The following OR1F1 variants were observed in gnomAD, a reference collection of about 807,000 sequenced individuals.
The protein encoded by OR1F1 is olfactory receptor 1F1.
For missense variants in OR1F1, 493 were observed against 376.3 expected (o/e 1.31, Z -2.57); for synonymous variants, 184 against 156.7 (o/e 1.17, Z -1.30).
At chr16:3,188,914 G>T in the OR1F1 span, among the ~76,000 whole-genome samples, 3 of 152,134 alleles carry the variant, frequency 2.0e-5, no homozygotes, top group Non-Finnish European at 2.9e-5. Flanking sequence ...GCAAGGGGGC[G>T]CATCGCAGAA....
At chr16:3,203,369 G>C (rs1026847898), upstream of OR1F1, among the ~76,000 whole-genome samples, 1 of 152,182 alleles carries the variant, frequency 6.6e-6, no homozygotes, top group Non-Finnish European at 1.5e-5. Context: ...CTCCAGTGAC[G>C]AGTCACCCTC....
downstream of OR1F1, among the ~76,000 whole-genome samples, chr16:3,205,565 G>A (rs1008537621): frequency 1.3e-5 from 2 of 151,848 alleles, no homozygotes; most frequent in Non-Finnish European, 2.9e-5. Flanking sequence ...CCTGAACAGA[G>A]GGACCAGCTG....
upstream of OR1F1, among the ~76,000 whole-genome samples, chr16:3,203,634 C>A (rs557076080): frequency 6.6e-6 from 1 of 152,120 alleles, no homozygotes; most frequent in Non-Finnish European, 1.5e-5. Context: ...CGTGGTGGCA[C>A]GTGCCTATAA....
exon 1 of OR1F1, chr16:3,204,706 C>T (rs1280868892): frequency 1.2e-6 from 2 of 1,614,044 alleles, no homozygotes; most frequent in Non-Finnish European, 1.7e-6. Context: ...GGTTGCCAAC[C>T]TGAATGTCCT....
At chr16:3,194,823 A>G in the OR1F1 span, among the ~76,000 whole-genome samples, 1 of 152,166 alleles carries the variant, frequency 6.6e-6, no homozygotes, top group East Asian at 1.9e-4. Flanking sequence ...AGGTCTCGCT[A>G]TGTTGTTCAG....
chr16:3,188,867 G>T, the OR1F1 span, among the ~76,000 whole-genome samples: 1 of 152,172 alleles, frequency 6.6e-6, no homozygotes, highest in South Asian at 2.1e-4. Flanking sequence ...CTCACGTCCT[G>T]GGGACTGGAG....
chr16:3,194,214 G>A, the OR1F1 span, among the ~76,000 whole-genome samples: 2 of 152,196 alleles, frequency 1.3e-5, no homozygotes, highest in Non-Finnish European at 2.9e-5. Context: ...ACAAGAAAAA[G>A]CAATGTACAG....
At chr16:3,204,254 G>A in exon 1 of OR1F1, 1 of 1,604,154 alleles carries the variant, frequency 6.2e-7, no homozygotes, top group Non-Finnish European at 8.5e-7. Flanking sequence ...CCCATGAGCG[G>A]GACAAACCAG....
chr16:3,191,378 C>G, the OR1F1 span: 1 of 152,328 alleles, frequency 6.6e-6, no homozygotes, highest in Admixed American at 6.5e-5. Context: ...CGGGGTGGAA[C>G]TGAACCTGTT....
At chr16:3,194,850 T>C in the OR1F1 span, among the ~76,000 whole-genome samples, 1 of 152,242 alleles carries the variant, frequency 6.6e-6, no homozygotes, top group Non-Finnish European at 1.5e-5. Flanking sequence ...CTGGAACTCC[T>C]GTGCTCAAGT....
chr16:3,197,046 T>C, the OR1F1 span, among the ~76,000 whole-genome samples: 1 of 152,050 alleles, frequency 6.6e-6, no homozygotes, highest in Non-Finnish European at 1.5e-5. Flanking sequence ...CTAATTTTTG[T>C]ATTTTTTTCA....
downstream of OR1F1, chr16:3,205,241 G>A (rs1045113543): frequency 2.5e-5 from 31 of 1,232,324 alleles, no homozygotes; most frequent in Admixed American, 4.0e-5. Flanking sequence ...CACCAATTGA[G>A]TTTAATGCAG....
At chr16:3,189,695 C>G in the OR1F1 span, 3 of 151,812 alleles carry the variant, frequency 2.0e-5, no homozygotes, top group East Asian at 1.9e-4. Context: ...GTTCAAATCC[C>G]GGACGAGCCC....
At chr16:3,203,520 C>T (rs1449537615), upstream of OR1F1, among the ~76,000 whole-genome samples, 1 of 152,226 alleles carries the variant, frequency 6.6e-6, no homozygotes, top group Non-Finnish European at 1.5e-5. Context: ...AATCCCAGCA[C>T]CTTGGGAGGC....
chr16:3,203,259 G>A (rs1247859252), upstream of OR1F1, among the ~76,000 whole-genome samples: 1 of 152,196 alleles, frequency 6.6e-6, no homozygotes, highest in Non-Finnish European at 1.5e-5. Flanking sequence ...GGAGGCTCCT[G>A]TGAAGAGCTT....
exon 1 of OR1F1, chr16:3,205,021 T>C (rs780073247): frequency 6.2e-6 from 10 of 1,613,988 alleles, no homozygotes; most frequent in Non-Finnish European, 1.7e-6. Flanking sequence ...CATTGCTGTG[T>C]ATTTTAACCC....
downstream of OR1F1, among the ~76,000 whole-genome samples, chr16:3,206,300 G>C (rs1334967885): frequency 6.6e-6 from 1 of 152,188 alleles, no homozygotes; most frequent in African/African-American, 2.4e-5. Flanking sequence ...TGTTTATCAA[G>C]ACAATACGTG....
At chr16:3,204,062 C>G (rs1005827854), upstream of OR1F1, among the ~76,000 whole-genome samples, 2 of 152,172 alleles carry the variant, frequency 1.3e-5, no homozygotes, top group Non-Finnish European at 2.9e-5. Flanking sequence ...GAAGGCCTGG[C>G]TCAGACTTCT....
chr16:3,195,659 G>A, the OR1F1 span, among the ~76,000 whole-genome samples: 10 of 148,204 alleles, frequency 6.7e-5, no homozygotes, highest in Non-Finnish European at 1.2e-4. Flanking sequence ...TACAAGCCCG[G>A]GGGACAGAGT....
Sources: gnomAD v4.1 joint callset for allele counts (sites outside exome capture counted in the v4.1 genomes callset) on GRCh38, gnomAD v4.1.1 for gene constraint, MANE v1.5 for transcripts, NCBI Gene and HGNC (gene_info 2026-07-23, HGNC 2026-07-21) for gene names.